FAM3D: variants seen among roughly 807,000 people sequenced by gnomAD.
The protein encoded by FAM3D is protein FAM3D.
FAM3D carries 26 observed loss-of-function variants against 29.8 expected under a neutral mutation model. That is an observed-to-expected ratio of 0.87 (90% CI 0.64 to 1.21). The LOEUF (loss-of-function observed/expected upper bound fraction) is 1.21, where lower values mean the gene tolerates loss of function less well. FAM3D is among the 50% of genes most tolerant of loss of function. FAM3D has a pLI of 0.00. For synonymous variants in FAM3D, 115 were observed against 102.3 expected, an observed-to-expected ratio of 1.12 and a Z score of -0.75; for missense variants, 253 against 290.9, an observed-to-expected ratio of 0.87 and a Z score of 0.95.
intron 1 of FAM3D, among the ~76,000 whole-genome samples, chr3:58,659,400 A>G (rs2066889428): frequency 6.6e-6 from 1 of 152,196 alleles, no homozygotes; most frequent in African/African-American, 2.4e-5. Flanking sequence ...TTCTGTACAC[A>G]GGGCCTTTAA....
chr3:58,639,504 C>T (rs75517528), intron 7 of FAM3D, among the ~76,000 whole-genome samples: 6,439 of 152,244 alleles, frequency 0.042, 193 homozygotes, highest in East Asian at 0.15. Flanking sequence ...GGTCCTCAGC[C>T]CCTGGCCTGT....
chr3:58,652,585 A>C (rs554162615), intron 3 of FAM3D, among the ~76,000 whole-genome samples: 679 of 150,684 alleles, frequency 4.5e-3, no homozygotes, highest in African/African-American at 0.016. Context: ...CCTTCCCTCC[A>C]TCTACCCATC....
intron 5 of FAM3D, among the ~76,000 whole-genome samples, chr3:58,644,458 G>A (rs1386237474): frequency 2.0e-5 from 3 of 152,214 alleles, no homozygotes; most frequent in Non-Finnish European, 4.4e-5. Context: ...GATGTGACTT[G>A]CTCCTCCTTT....
At chr3:58,636,545 A>G in intron 8 of FAM3D, 125 bp from the exon 9 acceptor site, 1 of 1,392,322 alleles carries the variant, frequency 7.2e-7, no homozygotes, top group Non-Finnish European at 9.6e-7. Flanking sequence ...GGGGGTGTCC[A>G]GAGAACGTGG....
intron 3 of FAM3D, among the ~76,000 whole-genome samples, chr3:58,652,226 T>C (rs1183732127): frequency 6.6e-6 from 1 of 152,214 alleles, no homozygotes; most frequent in East Asian, 1.9e-4. Context: ...GCTTCTGTTT[T>C]CTCAGAACAC....
At chr3:58,640,410 A>G (rs769765540) in intron 6 of FAM3D, among the ~76,000 whole-genome samples, 13 of 152,148 alleles carry the variant, frequency 8.5e-5, no homozygotes, top group Non-Finnish European at 1.8e-4. Context: ...AACTGAGTCT[A>G]CTCAGTCTGA....
chr3:58,648,674 C>T (rs576823492), intron 4 of FAM3D, among the ~76,000 whole-genome samples: 3 of 152,322 alleles, frequency 2.0e-5, no homozygotes, highest in South Asian at 2.1e-4. Context: ...ACAGCTCTCC[C>T]TCCCCTTCCT....
intron 1 of FAM3D, 46 bp downstream of exon 1, chr3:58,666,530 A>G (rs2067035507): frequency 6.6e-6 from 1 of 151,532 alleles, no homozygotes; most frequent in African/African-American, 2.4e-5. Context: ...TCTGTCAATC[A>G]TGTGTACCTG....
In FAM3D at chr3:58,634,098, T is replaced by G. The variant is rs1575464410; in HGVS notation, c.*181A>C. ...GACCCTCTGAGGCTGGTCTTCCGGGTAGGATGTGCTGTGGGAGGGTTCTGT... is the reference window on the plus strand; with the variant it reads ...GACCCTCTGAGGCTGGTCTTCCGGGGAGGATGTGCTGTGGGAGGGTTCTGT... On this transcript the variant is annotated 3_prime_UTR_variant, in exon 10 of 10. Coordinates refer to ENST00000358781, the MANE Select transcript of FAM3D (RefSeq NM_138805.3). The surrounding 1 kb of genome is among the most constrained non-coding windows in gnomAD (Gnocchi z 4.6). The G allele has an allele frequency of 1.8e-6, 1 of 561,346 alleles. No individual in the cohort carries two copies. The highest frequency in any genetic ancestry group is 3.1e-6 in the Non-Finnish European group (1 of 318,986). 34.8% of individuals were successfully genotyped at this position (561,346 alleles called of 1,614,324 possible).
chr3:58,637,950 T>C (rs1421404409), intron 7 of FAM3D, among the ~76,000 whole-genome samples: 1 of 151,920 alleles, frequency 6.6e-6, no homozygotes, highest in Non-Finnish European at 1.5e-5. Context: ...AATGGCGCGA[T>C]CTGCGCTCAT....
intron 2 of FAM3D, among the ~76,000 whole-genome samples, chr3:58,654,597 C>G (rs987304143): frequency 2.6e-5 from 4 of 152,218 alleles, no homozygotes; most frequent in Non-Finnish European, 5.9e-5. Context: ...TTTCACATCC[C>G]TGCTACCTTC....
chr3:58,665,837 C>T (rs919238772), intron 1 of FAM3D, among the ~76,000 whole-genome samples: 3 of 152,208 alleles, frequency 2.0e-5, no homozygotes, highest in Non-Finnish European at 4.4e-5. Flanking sequence ...CTTAGCACAT[C>T]ATACATGTTA....
At chr3:58,640,844 C>T (rs905592013) in intron 6 of FAM3D, among the ~76,000 whole-genome samples, 2 of 152,162 alleles carry the variant, frequency 1.3e-5, no homozygotes, top group Non-Finnish European at 2.9e-5. Flanking sequence ...CCGAGGCTTA[C>T]GGAGGAGGGT....
chr3:58,636,874 T>C (rs904216317), intron 8 of FAM3D, among the ~76,000 whole-genome samples: 1 of 152,184 alleles, frequency 6.6e-6, no homozygotes, highest in Admixed American at 6.5e-5. Context: ...TTTGTGTATA[T>C]ATCATATCCT....
chr3:58,634,496 G>T lies in FAM3D; in HGVS notation c.586-128C>A. The T allele has an allele frequency of 1.3e-6, 1 of 754,436 alleles. No homozygotes were observed. Among genetic ancestry groups the T allele is most frequent in the Non-Finnish European group, 2.1e-6 (1 of 471,142 alleles). 46.7% of individuals were successfully genotyped at this position (754,436 alleles called of 1,614,324 possible). On this transcript the variant is annotated intron_variant, in intron 9 of 9. Transcript: ENST00000358781. The surrounding 1 kb of genome is among the most constrained non-coding windows in gnomAD (Gnocchi z 4.6). ...GTTATTAACCCACTTCACAGATGGG[G>T]AAACTGAGGCTCAGAGAGGGGATGC... is the stretch of plus-strand genomic sequence containing the variant.
At chr3:58,656,239 T>C (rs1028438464) in intron 1 of FAM3D, among the ~76,000 whole-genome samples, 3 of 152,300 alleles carry the variant, frequency 2.0e-5, no homozygotes, top group South Asian at 4.2e-4. Flanking sequence ...CCAGGTGCCA[T>C]CTATGCATTA....
At position 58,638,147 on chromosome 3, in the gene FAM3D, G is replaced by T. The variant is rs769562050; in HGVS notation, c.374-922C>A. ...GATCTGCCTGTCTCGACCTCCCAAA[G>T]TGCTGGGATTACAGGCATAAGCCAC... On this transcript the variant is annotated intron_variant, in intron 7 of 9. Coordinates refer to ENST00000358781, the MANE Select transcript of FAM3D (RefSeq NM_138805.3). Among the ~76,000 whole-genome samples, 8 of 152,318 alleles carry T rather than the reference G, an allele frequency of 5.3e-5. No homozygotes were observed. In the East Asian group the frequency reaches 1.3e-3, roughly 26 times the overall value.
intron 3 of FAM3D, among the ~76,000 whole-genome samples, chr3:58,650,827 C>T (rs1175467959): frequency 6.6e-6 from 1 of 152,220 alleles, no homozygotes. Context: ...ACGCCATTCT[C>T]CTGCCTCAAC....
intron 7 of FAM3D, among the ~76,000 whole-genome samples, chr3:58,637,976 C>A (rs1462907810): frequency 2.6e-5 from 4 of 152,134 alleles, no homozygotes; most frequent in Non-Finnish European, 5.9e-5. Flanking sequence ...CCTCCACCTC[C>A]TGGGTTCAAG....
Sources: allele counts gnomAD v4.1 joint callset (sites outside exome capture counted in the v4.1 genomes callset), GRCh38; gene constraint gnomAD v4.1.1; non-coding constraint Gnocchi (gnomAD v3.1); transcripts MANE v1.5; gene names NCBI Gene and HGNC (gene_info 2026-07-23, HGNC 2026-07-21).